PDE10A: variants seen among roughly 807,000 people sequenced by gnomAD.
The protein encoded by PDE10A is phosphodiesterase 10A.
A neutral mutation model predicts 97.7 loss-of-function variants in PDE10A; 39 were observed. The observed-to-expected ratio is 0.40, with a 90% CI of 0.31 to 0.52. The LOEUF is 0.52. Ranked by LOEUF, PDE10A falls within the 20% of genes least tolerant of loss-of-function variation. The probability of loss-of-function intolerance (pLI) is 0.56; values close to 1 mark genes in which losing one functional copy is unlikely to be tolerated. For missense variants in PDE10A, 731 were observed against 1,047.8 expected, an observed-to-expected ratio of 0.70 and a Z score of 4.17; for synonymous variants, 371 against 376.8, an observed-to-expected ratio of 0.98 and a Z score of 0.18.
At chr6:165,510,220 T>C (rs1210183438) in intron 2 of PDE10A, among the ~76,000 whole-genome samples, 2 of 151,998 alleles carry the variant, frequency 1.3e-5, no homozygotes, top group African/African-American at 4.8e-5. Flanking sequence ...GTCTGGCATA[T>C]ATGGTTTTTA....
intron 1 of PDE10A, among the ~76,000 whole-genome samples, chr6:165,934,506 C>T (rs752628741): frequency 1.3e-5 from 2 of 152,084 alleles, no homozygotes; most frequent in African/African-American, 2.4e-5. Context: ...CCATCTTTCT[C>T]TATAATCTTT....
In PDE10A at chr6:165,925,648, TA is replaced by T. The variant is rs1424872971; in HGVS notation, c.-615+61880del. Among the ~76,000 whole-genome samples, 15 of 152,330 alleles carry T rather than the reference TA, an allele frequency of 9.8e-5. No individual in the cohort carries two copies. The East Asian group carries it at 2.3e-3, about 23-fold the overall frequency. The stretch of plus-strand genomic sequence containing the variant: ...ACTACATAGTATATGATCATTTCAA[TA>T]ACATTCTTGAAATAACAAACTATTG... On this transcript the variant is annotated intron_variant, in intron 1 of 19. Coordinates refer to the PDE10A transcript ENST00000366882.
At chr6:165,923,504 G>A (rs1408051957) in intron 1 of PDE10A, among the ~76,000 whole-genome samples, 1 of 152,232 alleles carries the variant, frequency 6.6e-6, no homozygotes, top group Non-Finnish European at 1.5e-5. Context: ...TGCGAAGACA[G>A]GCTGGGCTGC....
At chr6:165,770,705 G>C (rs1198263876) in intron 1 of PDE10A, among the ~76,000 whole-genome samples, 1 of 152,150 alleles carries the variant, frequency 6.6e-6, no homozygotes, top group African/African-American at 2.4e-5. Context: ...CATCATCTCT[G>C]CTCTAAAAAC....
At position 165,943,234 on chromosome 6, in the gene PDE10A, A is replaced by AGAAGGAAGGAAG. The variant is rs1192602938; in HGVS notation, c.-615+44283_-615+44294dup. On this transcript the variant is annotated intron_variant, in intron 1 of 19. Transcript: ENST00000366882. ...AAGAAAGAAAGAAAGAAAGAAAGAA[A>AGAAGGAAGGAAG]GAAGGAAGGAAGGAAGGAAGGAAGG... Among the ~76,000 whole-genome samples the AGAAGGAAGGAAG allele has an allele frequency of 2.1e-3, 70 of 34,054 alleles. 2 individuals are homozygous for AGAAGGAAGGAAG. Among genetic ancestry groups the AGAAGGAAGGAAG allele is most frequent in the Non-Finnish European group, 2.7e-3 (48 of 17,822 alleles). The allele number at this position is 34,054 out of a possible 152,430, so 22.3% of individuals were successfully genotyped here.
intron 1 of PDE10A, among the ~76,000 whole-genome samples, chr6:165,557,259 T>C (rs760697126): frequency 5.3e-5 from 8 of 152,146 alleles, no homozygotes; most frequent in Admixed American, 2.6e-4. Context: ...GGTAGTATAA[T>C]TTAATCTGGT....
chr6:165,728,636 A>T (rs1792354668), intron 1 of PDE10A, among the ~76,000 whole-genome samples: 2 of 152,230 alleles, frequency 1.3e-5, no homozygotes, highest in South Asian at 4.1e-4. Flanking sequence ...GACATGTTTT[A>T]GGCAAAAATG....
intron 5 of PDE10A, among the ~76,000 whole-genome samples, chr6:165,442,616 C>T (rs776471714): frequency 2.0e-5 from 3 of 152,084 alleles, no homozygotes; most frequent in Non-Finnish European, 4.4e-5. Context: ...GGGAAATCCG[C>T]CCCCATGATC....
At chr6:165,663,877 C>A (rs1484583062), upstream of PDE10A, among the ~76,000 whole-genome samples, 1 of 152,202 alleles carries the variant, frequency 6.6e-6, no homozygotes, top group Non-Finnish European at 1.5e-5. Flanking sequence ...GCCATGAATC[C>A]AGGCAGTTGC....
chr6:165,753,307 C>G (rs937839165), intron 1 of PDE10A, among the ~76,000 whole-genome samples: 7 of 152,280 alleles, frequency 4.6e-5, no homozygotes, highest in Middle Eastern at 3.4e-3. Context: ...GAGTCCACGG[C>G]AGGCCAAGCA....
At position 165,743,960 on chromosome 6, in the gene PDE10A, C is replaced by T. The variant is rs80098626; in HGVS notation, c.-614-200392G>A. On this transcript the variant is annotated intron_variant, in intron 1 of 19. Coordinates refer to the PDE10A transcript ENST00000366882. ...CTGTGTTTATCCGCACACAGGCCAG[C>T]GGATGTGTGAGGGGTAGGTACTTAA... Among the ~76,000 whole-genome samples, 1,086 of 152,264 alleles carry T rather than the reference C, an allele frequency of 7.1e-3. 5 individuals are homozygous for T. Among genetic ancestry groups the T allele is most frequent in the Non-Finnish European group, 0.011 (741 of 68,016 alleles).
At chr6:165,444,040 A>C (rs1790665060) in intron 5 of PDE10A, among the ~76,000 whole-genome samples, 1 of 152,048 alleles carries the variant, frequency 6.6e-6, no homozygotes, top group Non-Finnish European at 1.5e-5. Flanking sequence ...AATATTCTAA[A>C]CTTTTACGTT....
At chr6:165,523,465 C>A (rs1782252449) in intron 2 of PDE10A, among the ~76,000 whole-genome samples, 3 of 151,950 alleles carry the variant, frequency 2.0e-5, no homozygotes. Flanking sequence ...AATAAAGCCA[C>A]AAACCTATAG....
intron 1 of PDE10A, among the ~76,000 whole-genome samples, chr6:165,795,349 C>T (rs1197430827): frequency 6.6e-6 from 1 of 152,152 alleles, no homozygotes; most frequent in African/African-American, 2.4e-5. Context: ...CTGCTGAGAC[C>T]CTCATCCACC....
intron 1 of PDE10A, among the ~76,000 whole-genome samples, chr6:165,613,846 G>C (rs560909871): frequency 9.0e-4 from 137 of 152,220 alleles, no homozygotes; most frequent in African/African-American, 3.2e-3. Flanking sequence ...CCAACCTGCT[G>C]TATCTTATCT....
chr6:165,377,644 AC>A (rs2128206083), intron 18 of PDE10A, among the ~76,000 whole-genome samples: 2 of 152,206 alleles, frequency 1.3e-5, no homozygotes, highest in South Asian at 2.1e-4. Flanking sequence ...CTTATTTACA[AC>A]CCCAGAAGAA....
exon 1 of PDE10A, chr6:165,987,813 TG>T: frequency 2.3e-6 from 1 of 443,502 alleles, no homozygotes; most frequent in Non-Finnish European, 4.5e-6. Context: ...GGCGAGTGTG[TG>T]GGGTTCCTCC....
intron 1 of PDE10A, among the ~76,000 whole-genome samples, chr6:165,708,177 C>T (rs1314746609): frequency 2.0e-5 from 3 of 152,166 alleles, no homozygotes; most frequent in Admixed American, 2.0e-4. Context: ...CTCCGGCGGC[C>T]ACACTGCAGA....
At chr6:165,905,482 A>T (rs78292667) in intron 1 of PDE10A, among the ~76,000 whole-genome samples, 1,720 of 152,272 alleles carry the variant, frequency 0.011, 28 homozygotes, top group African/African-American at 0.037. Flanking sequence ...TCACTAACAA[A>T]CACTTTTTAT....
Sources: allele counts gnomAD v4.1 joint callset (sites outside exome capture counted in the v4.1 genomes callset), GRCh38; gene constraint gnomAD v4.1.1; transcripts MANE v1.5; gene names NCBI Gene and HGNC (gene_info 2026-07-23, HGNC 2026-07-21).